The following ITGA11 variants were observed in gnomAD, a reference collection of about 807,000 sequenced individuals.
ITGA11 encodes integrin alpha-11.
Under a neutral mutation model 141.9 loss-of-function variants are expected in ITGA11, and 97 were observed. The observed-to-expected ratio is 0.68, with a 90% CI of 0.58 to 0.81. ITGA11 has a LOEUF of 0.81. Ranked by LOEUF, ITGA11 falls within the 30% of genes least tolerant of loss-of-function variation. ITGA11 has a pLI of 0.00. For missense variants in ITGA11, 1,387 were observed against 1,559.2 expected, an observed-to-expected ratio of 0.89 and a Z score of 1.86; for synonymous variants, 658 against 624.6, an observed-to-expected ratio of 1.05 and a Z score of -0.80.
At chr15:68,387,611 A>C (rs1896017595) in intron 2 of ITGA11, among the ~76,000 whole-genome samples, 1 of 152,250 alleles carries the variant, frequency 6.6e-6, no homozygotes, top group East Asian at 1.9e-4. Flanking sequence ...CCTTGCAGAG[A>C]CTGGAGATTT....
intron 10 of ITGA11, among the ~76,000 whole-genome samples, chr15:68,343,726 T>C (rs967635318): frequency 6.6e-6 from 1 of 152,150 alleles, no homozygotes; most frequent in Non-Finnish European, 1.5e-5. Context: ...TGAGGCTCTG[T>C]TCCCAGGAGC....
At chr15:68,341,675 T>G (rs565896229) in intron 10 of ITGA11, among the ~76,000 whole-genome samples, 1 of 152,338 alleles carries the variant, frequency 6.6e-6, no homozygotes, top group South Asian at 2.1e-4. Context: ...CCTCCCTCTC[T>G]CTGCCTGTTG....
At chr15:68,364,654 C>T in intron 4 of ITGA11, 53 bp downstream of exon 4, 1 of 1,164,734 alleles carries the variant, frequency 8.6e-7, no homozygotes, top group Non-Finnish European at 1.3e-6. Flanking sequence ...TCCACCCCTC[C>T]CCACCCCCAC....
intron 20 of ITGA11, 41 bp from the exon 21 acceptor site, chr15:68,317,404 G>A: frequency 7.1e-7 from 1 of 1,404,064 alleles, no homozygotes; most frequent in East Asian, 2.3e-5. Flanking sequence ...AGTTAGGTGG[G>A]GCCTGGGACC....
rs1198533243 is a variant in ITGA11 at position 68,305,060 on chromosome 15, T to C, written c.3382-1175A>G. Among the ~76,000 whole-genome samples the C allele has an allele frequency of 6.6e-6, 1 of 152,228 alleles. No homozygotes were observed. The highest frequency in any genetic ancestry group is 1.5e-5 in the Non-Finnish European group (1 of 68,040). ...AAGCTCAAAGTAAAAAGTGCAGTCC[T>C]GGCCCTGGCCTGCAAGGCCCTCCCC... On this transcript the variant is annotated intron_variant, in intron 28 of 29. Transcript: ENST00000315757. This position sits in a 1 kb window ranked among gnomAD's most constrained non-coding sequence, Gnocchi z 4.6.
intron 4 of ITGA11, among the ~76,000 whole-genome samples, chr15:68,363,415 G>T (rs1895314323): frequency 6.6e-6 from 1 of 152,136 alleles, no homozygotes; most frequent in Non-Finnish European, 1.5e-5. Context: ...GTCCTGCTTT[G>T]CCTCTGGTTA....
chr15:68,404,503 A>G (rs1896593728), intron 1 of ITGA11, among the ~76,000 whole-genome samples: 1 of 152,126 alleles, frequency 6.6e-6, no homozygotes, highest in Non-Finnish European at 1.5e-5. Context: ...AGCACCTCAC[A>G]TCTGTATAGT....
chr15:68,317,979 T>C (rs751858606), intron 20 of ITGA11, among the ~76,000 whole-genome samples: 1 of 152,164 alleles, frequency 6.6e-6, no homozygotes, highest in Non-Finnish European at 1.5e-5. Flanking sequence ...CCAGGACAAA[T>C]ATGTAGGCTG....
chr15:68,348,984 G>T (rs77619800), intron 9 of ITGA11, 84 bp from the exon 10 acceptor site: 23,478 of 1,211,224 alleles, frequency 0.019, 328 homozygotes, highest in Admixed American at 0.029. Flanking sequence ...CACAGCTCCT[G>T]CTTCCTGGGG....
intron 1 of ITGA11, among the ~76,000 whole-genome samples, chr15:68,430,805 C>A (rs1385606758): frequency 6.6e-6 from 1 of 152,240 alleles, no homozygotes; most frequent in Non-Finnish European, 1.5e-5. Flanking sequence ...ATTCCACTAG[C>A]CAGAGGCCCT....
rs1894261986 is a variant in ITGA11, at chr15:68,333,916, G to C, written c.1426-1438C>G. Reference sequence around the variant, plus strand: ...GGCCCCAGGCCTTGGCTGGCTTCCAGGCTTCCCTCTGCACAAGCTTTTCTC... The same window carrying C: ...GGCCCCAGGCCTTGGCTGGCTTCCACGCTTCCCTCTGCACAAGCTTTTCTC... On this transcript the variant is annotated intron_variant, in intron 12 of 29. Transcript: ENST00000315757. The surrounding 1 kb of genome is among the most constrained non-coding windows in gnomAD (Gnocchi z 4.2). 6.6e-6 allele frequency among the ~76,000 whole-genome samples: 1 copy of C among 152,212 alleles called. No individual in the cohort carries two copies. The highest frequency in any genetic ancestry group is 1.5e-5 in the Non-Finnish European group (1 of 68,046).
At chr15:68,408,191 G>T (rs961310422) in intron 1 of ITGA11, among the ~76,000 whole-genome samples, 5 of 152,082 alleles carry the variant, frequency 3.3e-5, no homozygotes, top group African/African-American at 1.2e-4. Context: ...GAGCCTCTCT[G>T]ATGAGCTTCC....
intron 3 of ITGA11, among the ~76,000 whole-genome samples, chr15:68,365,871 G>T (rs1360605254): frequency 6.6e-6 from 1 of 152,072 alleles, no homozygotes; most frequent in African/African-American, 2.4e-5. Context: ...GAGGCCTTGA[G>T]CAAGAATGGG....
chr15:68,345,221 G>A lies in ITGA11; in HGVS notation c.1131+3609C>T, dbSNP rs529309856. 1.5e-3 allele frequency among the ~76,000 whole-genome samples: 230 copies of A among 152,282 alleles called. 1 individual carries two copies. The highest frequency in any genetic ancestry group is 2.5e-3 in the Non-Finnish European group (169 of 68,032). On this transcript the variant is annotated intron_variant, in intron 10 of 29. Coordinates refer to ENST00000315757, the MANE Select transcript of ITGA11 (RefSeq NM_001004439.2). ...TTGCGTTCATTTCCAAATGCTAATG[G>A]AAGCATTAGCTTAAAAATGTATTCT...
intron 10 of ITGA11, among the ~76,000 whole-genome samples, chr15:68,344,500 T>C (rs1894679746): frequency 1.3e-5 from 2 of 152,138 alleles, no homozygotes; most frequent in Admixed American, 1.3e-4. Context: ...CAGGAGGGCC[T>C]GTGGGATGGG....
intron 10 of ITGA11, 77 bp downstream of exon 10, chr15:68,348,753 C>T (rs190830936): frequency 1.1e-5 from 14 of 1,294,264 alleles, no homozygotes; most frequent in Middle Eastern, 1.8e-4. Context: ...GATGACAGAT[C>T]CAGAGAGCTA....
chr15:68,353,791 T>G (rs1894986238), intron 7 of ITGA11, among the ~76,000 whole-genome samples: 1 of 152,138 alleles, frequency 6.6e-6, no homozygotes, highest in South Asian at 2.1e-4. Flanking sequence ...TCCTTTCTGC[T>G]CAAAACCTGC....
intron 20 of ITGA11, among the ~76,000 whole-genome samples, chr15:68,318,648 C>T (rs1192559001): frequency 6.6e-6 from 1 of 152,080 alleles, no homozygotes; most frequent in African/African-American, 2.4e-5. Flanking sequence ...TAGGCAGCTC[C>T]TCGCTTTCCT....
chr15:68,333,106 CT>C lies in ITGA11; in HGVS notation c.1426-629del, dbSNP rs3084602. On this transcript the variant is annotated intron_variant, in intron 12 of 29. Coordinates refer to ENST00000315757, the MANE Select transcript of ITGA11 (RefSeq NM_001004439.2). The surrounding 1 kb of genome is among the most constrained non-coding windows in gnomAD (Gnocchi z 4.2). ...TAATCAGTTATTGCTGGACGGTTAG[CT>C]TTTTTTTTTTGAGGCAAGGTTTTGC... Among the ~76,000 whole-genome samples, 4 of 148,850 alleles carry C rather than the reference CT, an allele frequency of 2.7e-5. No individual in the cohort carries two copies. Among genetic ancestry groups the C allele is most frequent in the Non-Finnish European group, 1.5e-5 (1 of 67,276 alleles).
Sources: allele counts gnomAD v4.1 joint callset (sites outside exome capture counted in the v4.1 genomes callset), GRCh38; gene constraint gnomAD v4.1.1; non-coding constraint Gnocchi (gnomAD v3.1); transcripts MANE v1.5; gene names NCBI Gene and HGNC (gene_info 2026-07-23, HGNC 2026-07-21).